The following MAP2K4 variants were observed in gnomAD, a reference collection of about 807,000 sequenced individuals.
MAP2K4 encodes the protein dual specificity mitogen-activated protein kinase kinase 4.
In MAP2K4, 4 loss-of-function variants were observed where a neutral mutation model predicts 48.5. The ratio of observed to expected loss-of-function variants is 0.08; its 90% confidence interval spans 0.04 to 0.19. The LOEUF is 0.19. Ranked by LOEUF, MAP2K4 falls within the 10% of genes least tolerant of loss-of-function variation. The pLI is 1.00. For synonymous variants in MAP2K4, 166 were observed against 173.1 expected (o/e 0.96, Z 0.32); for missense variants, 258 against 493.3 (o/e 0.52, Z 4.52).
intron 9 of MAP2K4, among the ~76,000 whole-genome samples, chr17:12,133,144 C>T (rs1484679050): frequency 6.6e-6 from 1 of 152,016 alleles, no homozygotes; most frequent in African/African-American, 2.4e-5. Flanking sequence ...TGTAGTGGCG[C>T]GATCTCAGCT....
intron 2 of MAP2K4, among the ~76,000 whole-genome samples, chr17:12,077,538 AT>A (rs1349462941): frequency 6.6e-6 from 1 of 152,090 alleles, no homozygotes; most frequent in Admixed American, 6.5e-5. Flanking sequence ...AGTCAATGCT[AT>A]TTTCTGCTCC....
chr17:12,116,411 G>A (rs1426143214), intron 7 of MAP2K4, among the ~76,000 whole-genome samples: 1 of 152,040 alleles, frequency 6.6e-6, no homozygotes, highest in Non-Finnish European at 1.5e-5. Flanking sequence ...TAGGCTACAT[G>A]ACATTTATAA....
chr17:12,114,472 ACTGG>A (rs1972418908), intron 7 of MAP2K4, among the ~76,000 whole-genome samples: 2 of 151,824 alleles, frequency 1.3e-5, no homozygotes, highest in South Asian at 4.2e-4. Flanking sequence ...GTGGATGTTG[ACTGG>A]CTGGGCAGAT....
chr17:12,043,104 T>C (rs1004267172), intron 1 of MAP2K4, among the ~76,000 whole-genome samples: 3 of 152,214 alleles, frequency 2.0e-5, no homozygotes, highest in Admixed American at 2.0e-4. Flanking sequence ...GAAGGACATC[T>C]GGCTTGATAA....
At chr17:12,071,688 G>A (rs934318523) in intron 2 of MAP2K4, among the ~76,000 whole-genome samples, 3 of 152,064 alleles carry the variant, frequency 2.0e-5, no homozygotes, top group Admixed American at 6.6e-5. Flanking sequence ...GCTAAATTAC[G>A]GCACTGGGAA....
intron 1 of MAP2K4, among the ~76,000 whole-genome samples, chr17:12,024,274 GA>G (rs1364539225): frequency 1.3e-5 from 2 of 152,136 alleles, no homozygotes; most frequent in African/African-American, 4.8e-5. Context: ...TAGATGGTTG[GA>G]ATGGGATTTA....
intron 1 of MAP2K4, among the ~76,000 whole-genome samples, chr17:12,051,756 T>G (rs1000766084): frequency 6.6e-6 from 1 of 152,178 alleles, no homozygotes; most frequent in African/African-American, 2.4e-5. Context: ...CCTATTTGCT[T>G]GTAATTTTTT....
At chr17:12,106,838 CAT>C (rs887022241) in intron 4 of MAP2K4, among the ~76,000 whole-genome samples, 4 of 152,056 alleles carry the variant, frequency 2.6e-5, no homozygotes, top group African/African-American at 9.7e-5. Context: ...GCATCTCTCT[CAT>C]GAACTGTATT....
chr17:12,043,872 T>C (rs1161945141), intron 1 of MAP2K4, among the ~76,000 whole-genome samples: 3 of 152,084 alleles, frequency 2.0e-5, no homozygotes, highest in Non-Finnish European at 2.9e-5. Context: ...TCATTGGCCA[T>C]TGGACTCCGT....
chr17:12,080,392 G>T (rs574046206), intron 2 of MAP2K4, among the ~76,000 whole-genome samples: 1 of 152,142 alleles, frequency 6.6e-6, no homozygotes, highest in Non-Finnish European at 1.5e-5. Flanking sequence ...ACACATTGGG[G>T]TTTGGTGTGT....
intron 2 of MAP2K4, among the ~76,000 whole-genome samples, chr17:12,077,941 CTG>C (rs1375824843): frequency 1.3e-5 from 2 of 152,200 alleles, no homozygotes; most frequent in African/African-American, 2.4e-5. Context: ...AGAGTGAACT[CTG>C]TGGTCTCTCT....
At chr17:12,103,099 G>A (rs1971991748) in intron 4 of MAP2K4, among the ~76,000 whole-genome samples, 1 of 150,846 alleles carries the variant, frequency 6.6e-6, no homozygotes, top group South Asian at 2.1e-4. Context: ...GAGTGCAGTG[G>A]CATCATCCTA....
chr17:12,075,636 G>A (rs571947176), intron 2 of MAP2K4, among the ~76,000 whole-genome samples: 14 of 152,252 alleles, frequency 9.2e-5, no homozygotes, highest in Admixed American at 2.6e-4. Context: ...GCTTAAGAAT[G>A]TTCAACTCTA....
intron 9 of MAP2K4, among the ~76,000 whole-genome samples, chr17:12,132,376 G>A (rs1268054239): frequency 6.6e-6 from 1 of 152,180 alleles, no homozygotes; most frequent in Non-Finnish European, 1.5e-5. Context: ...TATGTATACA[G>A]CAGTATATAG....
intron 2 of MAP2K4, among the ~76,000 whole-genome samples, chr17:12,057,354 G>A (rs2151528072): frequency 6.6e-6 from 1 of 152,260 alleles, no homozygotes; most frequent in East Asian, 1.9e-4. Context: ...GTGGCATTCT[G>A]GTGAGCGTAT....
At chr17:12,126,000 G>T (rs1303939528) in intron 8 of MAP2K4, among the ~76,000 whole-genome samples, 1 of 152,146 alleles carries the variant, frequency 6.6e-6, no homozygotes, top group East Asian at 1.9e-4. Flanking sequence ...AGGGGAGAGA[G>T]AGAGTGAAGG....
chr17:12,050,207 T>A (rs2151522609), intron 1 of MAP2K4, among the ~76,000 whole-genome samples: 1 of 152,276 alleles, frequency 6.6e-6, no homozygotes, highest in East Asian at 1.9e-4. Flanking sequence ...GCCCATTAGA[T>A]GGCGGCAGGG....
intron 2 of MAP2K4, among the ~76,000 whole-genome samples, chr17:12,080,187 A>G (rs1160479212): frequency 6.6e-6 from 1 of 152,216 alleles, no homozygotes; most frequent in African/African-American, 2.4e-5. Flanking sequence ...TGCTACAGAA[A>G]ACCATTCTAC....
At chr17:12,110,727 T>G (rs1972277437) in intron 6 of MAP2K4, 5 of 303,692 alleles carry the variant, frequency 1.6e-5, no homozygotes, top group Non-Finnish European at 3.0e-5. Flanking sequence ...TGCATACAAA[T>G]AAGGCATCGA....
Sources: allele counts gnomAD v4.1 joint callset (sites outside exome capture counted in the v4.1 genomes callset), GRCh38; gene constraint gnomAD v4.1.1; transcripts MANE v1.5; gene names NCBI Gene and HGNC (gene_info 2026-07-23, HGNC 2026-07-21).